Variants in GUK1 observed in about 807,000 individuals in gnomAD.
GUK1 encodes guanylate kinase 1.
In GUK1, 18 loss-of-function variants were observed where a neutral mutation model predicts 25.2. The observed-to-expected ratio is 0.71, with a 90% CI of 0.49 to 1.06. GUK1 has a LOEUF of 1.06. Among genes scored for constraint, GUK1 ranks in the 50% least tolerant of loss-of-function variants. The pLI is 0.00. For synonymous variants in GUK1, 105 were observed against 117.6 expected, an observed-to-expected ratio of 0.89 and a Z score of 0.69; for missense variants, 261 against 276.7, an observed-to-expected ratio of 0.94 and a Z score of 0.40.
In GUK1 at chr1:228,148,006, G is replaced by T. The variant is rs12116745; in HGVS notation, c.475+307G>T. 1.4e-4 allele frequency: 82 copies of T among 578,028 alleles called. No homozygotes were observed. In the South Asian group the frequency reaches 1.4e-3, roughly 10 times the overall value. 35.8% of individuals were successfully genotyped at this position (578,028 alleles called of 1,614,324 possible). A position where few individuals can be genotyped will look rare whatever the true frequency, so the allele number is the denominator to read the frequency against. On this transcript the variant is annotated intron_variant, in intron 7 of 8. Coordinates refer to ENST00000312726, the MANE Select transcript of GUK1 (RefSeq NM_000858.7). ...GATGTCCCCAACCTTCTAGCCCCGGGGGTGTCATGTGCATCCTCTTACAGC... is the reference window on the plus strand; with the variant it reads ...GATGTCCCCAACCTTCTAGCCCCGGTGGTGTCATGTGCATCCTCTTACAGC...
At chr1:228,145,764 A>G in intron 3 of GUK1, 140 bp downstream of exon 2, 1 of 1,008,636 alleles carries the variant, frequency 9.9e-7, no homozygotes, top group South Asian at 1.6e-5. Context: ...ACTCCCCCCC[A>G]CACAGAACCT....
chr1:228,141,966 A>C, intron 2 of GUK1: 2 of 254,016 alleles, frequency 7.9e-6, no homozygotes. Context: ...CCTTTGGCGC[A>C]TGTGTTCTGG....
chr1:228,147,720 C>T (rs1342701465), intron 7 of GUK1, 21 bp downstream of exon 6: 3 of 1,603,502 alleles, frequency 1.9e-6, no homozygotes, highest in Non-Finnish European at 2.6e-6. Context: ...CGTGGGATCA[C>T]CAGGGAATGC....
chr1:228,145,750 G>A, intron 3 of GUK1, 126 bp downstream of exon 2: 1 of 1,152,008 alleles, frequency 8.7e-7, no homozygotes, highest in East Asian at 2.6e-5. Context: ...CCGAACTCTT[G>A]CACACTCCCC....
intron 2 of GUK1, chr1:228,141,774 C>A: frequency 1.6e-6 from 2 of 1,288,016 alleles, no homozygotes; most frequent in South Asian, 1.3e-5. Flanking sequence ...TCTGCGCCGG[C>A]GGCTCCCAGG....
chr1:228,146,296 C>G (rs2034368324), intron 4 of GUK1: 1 of 558,524 alleles, frequency 1.8e-6, no homozygotes, highest in East Asian at 2.9e-5. Flanking sequence ...CTGGGGCTGT[C>G]TTCCTCCCAC....
At chr1:228,140,434 G>GC in intron 1 of GUK1, 71 bp downstream of exon 1, 1 of 1,124,264 alleles carries the variant, frequency 8.9e-7, no homozygotes, top group Non-Finnish European at 1.2e-6. Context: ...CTTTGCGGTC[G>GC]CCCAGTCCAC....
rs543350742 is a variant in GUK1, at chr1:228,148,053, G to A, written c.476-318G>A. On this transcript the variant is annotated intron_variant, in intron 7 of 8. Transcript: ENST00000312726. ...CAGCTGTTGCCTCTTCTCTGGGTCT[G>A]ACTGCAGCCCACAAGAAGAGGGCAT... 2.3e-5 allele frequency: 13 copies of A among 576,774 alleles called. No individual in the cohort carries two copies. In the South Asian group the frequency reaches 2.9e-4, roughly 13 times the overall value. The allele number at this position is 576,774 out of a possible 1,614,324, so 35.7% of individuals were successfully genotyped here.
In GUK1 at chr1:228,148,757, C is replaced by T; in HGVS notation, c.*60C>T. 2 of 1,611,204 alleles carry T rather than the reference C, an allele frequency of 1.2e-6. No individual in the cohort carries two copies. The highest frequency in any genetic ancestry group is 8.5e-7 in the Non-Finnish European group (1 of 1,179,538). On this transcript the variant is annotated 3_prime_UTR_variant, in exon 9 of 9. Coordinates refer to ENST00000312726, the MANE Select transcript of GUK1 (RefSeq NM_000858.7). ...ACAGGACCAGGGCAGCAGCATTGAG[C>T]CACCCCCTTGGCAGGCGATACGGCA...
chr1:228,147,379 C>G, intron 5 of GUK1, 27 bp from the exon 5 acceptor site: 1 of 1,600,708 alleles, frequency 6.2e-7, no homozygotes, highest in South Asian at 1.1e-5. Flanking sequence ...GCCCTGGCAC[C>G]CCTGCTGACC....
At chr1:228,144,733 G>T in intron 2 of GUK1, 1 of 985,390 alleles carries the variant, frequency 1.0e-6, no homozygotes, top group South Asian at 4.7e-5. Context: ...TGACTACAGA[G>T]GCTGCACCTC....
chr1:228,147,003 G>A, intron 5 of GUK1, 65 bp downstream of exon 4: 1 of 1,038,582 alleles, frequency 9.6e-7, no homozygotes, highest in Non-Finnish European at 1.5e-6. Flanking sequence ...TCCAGGTAGT[G>A]CCTGCTGCCT....
At chr1:228,141,519 A>C in intron 2 of GUK1, 1 of 552,164 alleles carries the variant, frequency 1.8e-6, no homozygotes, top group Non-Finnish European at 2.4e-6. Context: ...TTTGTGTCTT[A>C]CGAGAGGCCA....
At chr1:228,146,331 G>T (rs1286396959) in intron 4 of GUK1, 6 of 552,828 alleles carry the variant, frequency 1.1e-5, no homozygotes, top group Non-Finnish European at 1.3e-5. Flanking sequence ...CAGTGCTGCT[G>T]TCCCCAGCCC....
rs765685714 is a variant in GUK1 at position 228,147,554 on chromosome 1, G to C, written c.390+10G>C. 4.5e-5 allele frequency: 72 copies of C among 1,613,098 alleles called. No homozygotes were observed. The highest frequency in any genetic ancestry group is 5.3e-5 in the Non-Finnish European group (62 of 1,179,848). ...TTCACTGCACGTGCTGGTGTGTGCT[G>C]GGCAGGGTTGGGGGCTGGGGGCCAG... is the stretch of plus-strand genomic sequence containing the variant. On this transcript the variant is annotated intron_variant, in intron 6 of 8. Coordinates refer to ENST00000312726, the MANE Select transcript of GUK1 (RefSeq NM_000858.7).
chr1:228,147,352 C>T, intron 5 of GUK1, 54 bp from the exon 5 acceptor site: 1 of 1,561,926 alleles, frequency 6.4e-7, no homozygotes, highest in Non-Finnish European at 8.7e-7. Context: ...CCCTGAAGCT[C>T]CTGTAGGCCT....
chr1:228,144,767 T>C (rs1214646381), intron 2 of GUK1: 1 of 977,882 alleles, frequency 1.0e-6, no homozygotes, highest in Non-Finnish European at 1.2e-6. Flanking sequence ...GCCCTGTTCT[T>C]GGGGAGGATT....
chr1:228,145,948 G>A, intron 3 of GUK1, 78 bp from the exon 3 acceptor site: 1 of 1,071,178 alleles, frequency 9.3e-7, no homozygotes. Context: ...CTCAAGTGCT[G>A]TCGGGACTGC....
intron 2 of GUK1, chr1:228,144,422 C>A (rs925505742): frequency 6.6e-6 from 1 of 152,368 alleles, no homozygotes; most frequent in African/African-American, 2.4e-5. Context: ...AGTGCACGGC[C>A]CCACTCCTCA....
Sources: gnomAD v4.1 joint callset for allele counts on GRCh38, gnomAD v4.1.1 for gene constraint, MANE v1.5 for transcripts, NCBI Gene and HGNC (gene_info 2026-07-23, HGNC 2026-07-21) for gene names.